VPS13B: variants seen among roughly 807,000 people sequenced by gnomAD.
The protein encoded by VPS13B is vacuolar protein sorting 13 homolog B, also known as intermembrane lipid transfer protein VPS13B.
Under a neutral mutation model 426.4 loss-of-function variants are expected in VPS13B, and 285 were observed. That is an observed-to-expected ratio of 0.67 (90% CI 0.61 to 0.74). The LOEUF is 0.74. VPS13B is among the 30% of genes least tolerant of loss of function. The pLI, the probability that VPS13B is intolerant of heterozygous loss-of-function variation, is 0.00. For missense variants in VPS13B, 4,537 were observed against 4,782.6 expected (o/e 0.95, Z 1.51); for synonymous variants, 1,676 against 1,676.4 (o/e 1.00, Z 0.01).
intron 35 of VPS13B, among the ~76,000 whole-genome samples, chr8:99,662,235 C>T (rs1588599610): frequency 1.3e-5 from 2 of 152,088 alleles, no homozygotes; most frequent in South Asian, 2.1e-4. Context: ...CTTTATTCCT[C>T]GATCTTCCTC....
rs905297688 is a variant in VPS13B at position 99,744,825 on chromosome 8, T to C, written c.7051-21949T>C. Among the ~76,000 whole-genome samples, 3 of 79,402 alleles carry C rather than the reference T, an allele frequency of 3.8e-5. No individual in the cohort carries two copies. The Admixed American group carries it at 4.5e-4, about 12-fold the overall frequency. The allele number at this position is 79,402 out of a possible 152,430, so 52.1% of individuals were successfully genotyped here. A position where few individuals can be genotyped will look rare whatever the true frequency, so the allele number is the denominator to read the frequency against. Reference sequence around the variant, plus strand: ...TCACACACCGGGGCCTGTTGTGGGGTGGGGGGAAGGGGGAGGGATAGCATT... The same window carrying C: ...TCACACACCGGGGCCTGTTGTGGGGCGGGGGGAAGGGGGAGGGATAGCATT... On this transcript the variant is annotated intron_variant, in intron 39 of 61. Transcript: ENST00000357162.
intron 35 of VPS13B, among the ~76,000 whole-genome samples, chr8:99,665,475 C>A (rs1830447902): frequency 6.6e-6 from 1 of 152,164 alleles, no homozygotes; most frequent in Admixed American, 6.5e-5. Context: ...GTCTTTAATC[C>A]ATCTTGAATT....
intron 44 of VPS13B, among the ~76,000 whole-genome samples, chr8:99,813,507 C>A (rs1021946210): frequency 6.6e-6 from 1 of 152,216 alleles, no homozygotes; most frequent in South Asian, 2.1e-4. Context: ...AATGCTATGG[C>A]ATCATAAGAC....
chr8:99,548,800 G>A (rs1355032426), intron 30 of VPS13B, among the ~76,000 whole-genome samples: 2 of 151,442 alleles, frequency 1.3e-5, no homozygotes, highest in Non-Finnish European at 3.0e-5. Context: ...TTCTTATAAC[G>A]ATAAAGAAAA....
intron 19 of VPS13B, among the ~76,000 whole-genome samples, chr8:99,369,102 T>C (rs897236623): frequency 1.3e-5 from 2 of 152,202 alleles, no homozygotes; most frequent in African/African-American, 4.8e-5. Context: ...CCCTACCCTT[T>C]CCATAGTTTT....
chr8:99,832,285 G>A (rs1020016282), intron 51 of VPS13B, 84 bp from the exon 52 acceptor site: 2 of 1,416,802 alleles, frequency 1.4e-6, no homozygotes, highest in African/African-American at 3.0e-5. Flanking sequence ...AAGAAAAGAA[G>A]ATATGCTTTA....
At chr8:99,744,032 A>G (rs948252225) in intron 39 of VPS13B, among the ~76,000 whole-genome samples, 1 of 152,218 alleles carries the variant, frequency 6.6e-6, no homozygotes, top group Non-Finnish European at 1.5e-5. Flanking sequence ...ATCAGAGTGA[A>G]CAGGCAACCT....
At chr8:99,314,167 C>G (rs1344699773) in intron 19 of VPS13B, among the ~76,000 whole-genome samples, 1 of 151,978 alleles carries the variant, frequency 6.6e-6, no homozygotes, top group East Asian at 1.9e-4. Context: ...TGGGCTGCAC[C>G]CACTGTCCTG....
intron 15 of VPS13B, among the ~76,000 whole-genome samples, chr8:99,160,372 G>A (rs1472546273): frequency 1.3e-5 from 2 of 152,058 alleles, no homozygotes. Flanking sequence ...TTAAGAATCA[G>A]TACTGGCTGG....
At chr8:99,456,497 A>C (rs1391291287) in intron 23 of VPS13B, among the ~76,000 whole-genome samples, 1 of 152,074 alleles carries the variant, frequency 6.6e-6, no homozygotes, top group Non-Finnish European at 1.5e-5. Context: ...AAAAATCATG[A>C]ATTGCTTGTT....
chr8:99,641,274 T>C (rs1829345846), intron 33 of VPS13B, among the ~76,000 whole-genome samples: 1 of 152,230 alleles, frequency 6.6e-6, no homozygotes, highest in South Asian at 2.1e-4. Context: ...TGGCATGCAT[T>C]TATTTTAGTG....
At chr8:99,149,474 C>T (rs926834549) in intron 14 of VPS13B, among the ~76,000 whole-genome samples, 6 of 152,092 alleles carry the variant, frequency 3.9e-5, no homozygotes, top group Admixed American at 6.6e-5. Flanking sequence ...CATGCCACCA[C>T]GCCCGACTAA....
chr8:99,750,030 C>T (rs1469569334), intron 39 of VPS13B, among the ~76,000 whole-genome samples: 1 of 152,088 alleles, frequency 6.6e-6, no homozygotes, highest in East Asian at 1.9e-4. Context: ...AACATCTTAT[C>T]TATTTTTTAA....
chr8:99,478,783 A>G (rs1224184851), intron 24 of VPS13B, among the ~76,000 whole-genome samples: 1 of 151,900 alleles, frequency 6.6e-6, no homozygotes, highest in Non-Finnish European at 1.5e-5. Flanking sequence ...TTTTAAACGA[A>G]ATTAAACTGG....
chr8:99,782,863 T>C (rs1812084792), intron 42 of VPS13B, among the ~76,000 whole-genome samples: 1 of 152,128 alleles, frequency 6.6e-6, no homozygotes, highest in Admixed American at 6.6e-5. Context: ...AGATGACAGA[T>C]GCTTGTTGTT....
chr8:99,648,271 G>A (rs1250569379), intron 34 of VPS13B, among the ~76,000 whole-genome samples: 3 of 152,120 alleles, frequency 2.0e-5, no homozygotes, highest in Non-Finnish European at 4.4e-5. Flanking sequence ...TAATTTTGAA[G>A]GTTTAGCAGA....
intron 19 of VPS13B, among the ~76,000 whole-genome samples, chr8:99,365,582 T>TCTCGG (rs1373859301): frequency 6.9e-6 from 1 of 145,112 alleles, no homozygotes; most frequent in African/African-American, 2.6e-5. Flanking sequence ...AGTGGCACGA[T>TCTCGG]CTCGGCTCAC....
At chr8:99,325,568 A>G (rs1357296871) in intron 19 of VPS13B, among the ~76,000 whole-genome samples, 1 of 152,194 alleles carries the variant, frequency 6.6e-6, no homozygotes, top group African/African-American at 2.4e-5. Context: ...AAGCAACCTT[A>G]GCAGTATAAT....
chr8:99,289,305 A>G (rs767224544), intron 19 of VPS13B, among the ~76,000 whole-genome samples: 1 of 152,094 alleles, frequency 6.6e-6, no homozygotes, highest in African/African-American at 2.4e-5. Context: ...TTTAGTTAGG[A>G]GAATGCTATA....
Sources: gnomAD v4.1 joint callset for allele counts (sites outside exome capture counted in the v4.1 genomes callset) on GRCh38, gnomAD v4.1.1 for gene constraint, MANE v1.5 for transcripts, NCBI Gene and HGNC (gene_info 2026-07-23, HGNC 2026-07-21) for gene names.